The following IQUB variants were observed in gnomAD, a reference collection of about 807,000 sequenced individuals.
IQUB encodes the protein IQ motif and ubiquitin domain containing, also known as IQ motif and ubiquitin-like domain-containing protein.
IQUB carries 86 observed loss-of-function variants against 86.4 expected under a neutral mutation model. The ratio of observed to expected loss-of-function variants is 1.00; its 90% CI spans 0.84 to 1.19. IQUB has a LOEUF of 1.19. Ranked by LOEUF, IQUB falls within the 50% of genes most tolerant of loss-of-function variation. The pLI is 0.00. For missense variants in IQUB, 946 were observed against 916.9 expected (o/e 1.03, Z -0.41); for synonymous variants, 289 against 304.5 (o/e 0.95, Z 0.53).
intron 7 of IQUB, among the ~76,000 whole-genome samples, chr7:123,480,482 C>T (rs1291360346): frequency 1.3e-5 from 2 of 152,100 alleles, no homozygotes; most frequent in Non-Finnish European, 2.9e-5. Flanking sequence ...TTTTTGTAGT[C>T]AATCATATCA....
chr7:123,457,412 G>T lies in IQUB; in HGVS notation c.2162C>A (p.Ala721Asp). 6.2e-7 allele frequency: 1 copy of T among 1,612,160 alleles called. No homozygotes were observed. Among genetic ancestry groups the T allele is most frequent in the Non-Finnish European group, 8.5e-7 (1 of 1,178,964 alleles). Reference protein sequence around the residue: ...NCILLTKDEAAAHLKLTSIEE... With the variant: ...NCILLTKDEADAHLKLTSIEE... ...AATACTTGTTAGCTTGAGATGAGCA[G>T]CTGCTTCATCTTTGGTAAGAAGAAT... Residue 721 changes from alanine to aspartate, a missense_variant, in exon 12 of 13, where the codon GCT becomes GAT. Coordinates refer to ENST00000324698, the MANE Select transcript of IQUB (RefSeq NM_178827.5).
chr7:123,524,117 T>C (rs1364360730), intron 1 of IQUB, among the ~76,000 whole-genome samples: 1 of 147,716 alleles, frequency 6.8e-6, no homozygotes, highest in Non-Finnish European at 1.5e-5. Flanking sequence ...CCTTGTAGTA[T>C]AGTTTGAAGT....
intron 10 of IQUB, among the ~76,000 whole-genome samples, 166 bp from the exon 11 acceptor site, chr7:123,461,771 T>G (rs924712823): frequency 1.6e-4 from 24 of 151,796 alleles, no homozygotes; most frequent in African/African-American, 5.8e-4. Flanking sequence ...GAACTTCTTA[T>G]CCTACAGAAA....
chr7:123,490,921 G>A (rs1350776760), intron 7 of IQUB, among the ~76,000 whole-genome samples: 2 of 151,404 alleles, frequency 1.3e-5, no homozygotes, highest in Non-Finnish European at 2.9e-5. Flanking sequence ...CCAAGATCAT[G>A]CCATTGCACT....
At chr7:123,532,512 T>C (rs114460511) in intron 1 of IQUB, 1 of 152,026 alleles carries the variant, frequency 6.6e-6, no homozygotes, top group African/African-American at 2.4e-5. Context: ...ACAACTATAT[T>C]CGAGTAATTC....
chr7:123,470,063 T>A (rs1397907485), intron 8 of IQUB, among the ~76,000 whole-genome samples: 1 of 152,146 alleles, frequency 6.6e-6, no homozygotes, highest in Non-Finnish European at 1.5e-5. Context: ...TGAAGTTCAC[T>A]TGCCCTGAAG....
intron 2 of IQUB, 122 bp downstream of exon 2, chr7:123,511,822 T>TAAGGGA: frequency 5.9e-6 from 4 of 681,816 alleles, no homozygotes; most frequent in Non-Finnish European, 9.2e-6. Flanking sequence ...GTTTGGTGGA[T>TAAGGGA]AAGGGAAAGG....
intron 1 of IQUB, among the ~76,000 whole-genome samples, chr7:123,512,827 C>A (rs1796483727): frequency 6.6e-6 from 1 of 152,000 alleles, no homozygotes; most frequent in South Asian, 2.1e-4. Flanking sequence ...GACCTCTGCT[C>A]CCCCCAAATA....
intron 8 of IQUB, among the ~76,000 whole-genome samples, chr7:123,479,024 G>A (rs545648611): frequency 6.6e-6 from 1 of 152,202 alleles, no homozygotes; most frequent in Non-Finnish European, 1.5e-5. Flanking sequence ...AAGGAGTGAA[G>A]AAGATGAGAG....
rs186729309 is a variant in IQUB at position 123,493,770 on chromosome 7, T to C, written c.1234+2926A>G. Among the ~76,000 whole-genome samples the C allele has an allele frequency of 8.0e-3, 1,184 of 148,728 alleles. 13 individuals are homozygous for C. The highest frequency in any genetic ancestry group is 0.028 in the African/African-American group (1,130 of 39,842). On this transcript the variant is annotated intron_variant, in intron 7 of 12. Coordinates refer to ENST00000324698, the MANE Select transcript of IQUB (RefSeq NM_178827.5). ...GTGTGTGTGTGTGTGTGTGTGTGTG[T>C]GTGTGCATGTGTGTATATATACATA...
chr7:123,513,060 G>A (rs544193067), intron 1 of IQUB, among the ~76,000 whole-genome samples: 4 of 152,210 alleles, frequency 2.6e-5, no homozygotes, highest in Admixed American at 2.6e-4. Flanking sequence ...GGGAAAATAG[G>A]GAAGGTAGCC....
At chr7:123,473,810 C>T (rs564298687) in intron 8 of IQUB, among the ~76,000 whole-genome samples, 1 of 151,020 alleles carries the variant, frequency 6.6e-6, no homozygotes, top group East Asian at 2.0e-4. Flanking sequence ...TGGTCTCAAA[C>T]TCCTGACCTC....
chr7:123,522,869 A>T (rs1796978487), intron 1 of IQUB, among the ~76,000 whole-genome samples: 1 of 106,676 alleles, frequency 9.4e-6, no homozygotes, highest in Admixed American at 1.2e-4. Flanking sequence ...CCACCCCACA[A>T]CAGTCCCCAG....
chr7:123,524,022 G>A (rs1305023199), intron 1 of IQUB, among the ~76,000 whole-genome samples: 3 of 149,562 alleles, frequency 2.0e-5, no homozygotes, highest in East Asian at 2.0e-4. Flanking sequence ...GTAGATATGC[G>A]GCATTATTTC....
At chr7:123,469,961 T>G (rs1584562835) in intron 8 of IQUB, among the ~76,000 whole-genome samples, 1 of 152,304 alleles carries the variant, frequency 6.6e-6, no homozygotes, top group East Asian at 1.9e-4. Flanking sequence ...GGTTCCTGCC[T>G]CCCTGATGCT....
intron 1 of IQUB, among the ~76,000 whole-genome samples, 197 bp from the exon 2 acceptor site, chr7:123,512,541 G>T (rs868539759): frequency 1.1e-4 from 16 of 152,206 alleles, no homozygotes; most frequent in Middle Eastern, 3.4e-3. Flanking sequence ...ACTCTGCAAA[G>T]AATATATGGA....
intron 1 of IQUB, among the ~76,000 whole-genome samples, chr7:123,518,097 T>A (rs1658915548): frequency 6.6e-6 from 1 of 152,140 alleles, no homozygotes; most frequent in South Asian, 2.1e-4. Context: ...AATAAAACAA[T>A]AATATAACAC....
intron 11 of IQUB, among the ~76,000 whole-genome samples, chr7:123,461,092 AT>A (rs1443308146): frequency 6.6e-6 from 1 of 151,654 alleles, no homozygotes; most frequent in Non-Finnish European, 1.5e-5. Context: ...GTATGTGTAT[AT>A]GTAACATCAG....
rs1377984609 is a variant in IQUB, at chr7:123,452,305, TAAAGA to T, written c.*433_*437del. 1 of 152,354 alleles carries T rather than the reference TAAAGA, an allele frequency of 6.6e-6. No individual in the cohort carries two copies. The highest frequency in any genetic ancestry group is 1.5e-5 in the Non-Finnish European group (1 of 68,188). 9.4% of individuals were successfully genotyped at this position (152,354 alleles called of 1,614,324 possible). ...AAAATATAAATTTTTTTATCCTACT[TAAAGA>T]AGTTTTCAAGAAAGAGCACTTTATA... is the stretch of plus-strand genomic sequence containing the variant. On this transcript the variant is annotated 3_prime_UTR_variant, in exon 13 of 13. Coordinates refer to ENST00000324698, the MANE Select transcript of IQUB (RefSeq NM_178827.5).
Sources: allele counts gnomAD v4.1 joint callset (sites outside exome capture counted in the v4.1 genomes callset), GRCh38; gene constraint gnomAD v4.1.1; transcripts MANE v1.5; gene names NCBI Gene and HGNC (gene_info 2026-07-23, HGNC 2026-07-21).